The following IGF2BP2 variants were observed in gnomAD, a reference collection of about 807,000 sequenced individuals.
The protein encoded by IGF2BP2 is insulin-like growth factor 2 mRNA-binding protein 2.
IGF2BP2 carries 17 observed loss-of-function variants against 75.8 expected under a neutral mutation model. That is an observed-to-expected ratio of 0.22 (90% CI 0.15 to 0.34). The LOEUF is 0.34. Ranked by LOEUF, IGF2BP2 falls within the 10% of genes least tolerant of loss-of-function variation. The pLI, the probability that IGF2BP2 is intolerant of heterozygous loss-of-function variation, is 1.00. For missense variants in IGF2BP2, 516 were observed against 772.4 expected, an observed-to-expected ratio of 0.67 and a Z score of 3.93; for synonymous variants, 288 against 295.6, an observed-to-expected ratio of 0.97 and a Z score of 0.26.
At chr3:185,794,815 C>T (rs1737133470) in intron 2 of IGF2BP2, among the ~76,000 whole-genome samples, 1 of 152,106 alleles carries the variant, frequency 6.6e-6, no homozygotes, top group Non-Finnish European at 1.5e-5. Context: ...AAAACAGAAA[C>T]TCCCCATCCT....
intron 2 of IGF2BP2, among the ~76,000 whole-genome samples, chr3:185,733,432 AG>A (rs1213382677): frequency 6.6e-6 from 1 of 152,196 alleles, no homozygotes; most frequent in African/African-American, 2.4e-5. Flanking sequence ...AGACAAAGAA[AG>A]CCCTATGTGT....
intron 2 of IGF2BP2, among the ~76,000 whole-genome samples, chr3:185,726,498 C>T (rs1420453737): frequency 1.3e-5 from 2 of 152,172 alleles, no homozygotes; most frequent in African/African-American, 4.8e-5. Context: ...CACAGGAACA[C>T]CTGCCACTTA....
intron 2 of IGF2BP2, among the ~76,000 whole-genome samples, chr3:185,822,053 T>C (rs902713719): frequency 6.6e-6 from 1 of 152,154 alleles, no homozygotes; most frequent in Admixed American, 6.5e-5. Flanking sequence ...CAGAGATTAT[T>C]TGCAAACAAA....
chr3:185,689,641 G>A lies in IGF2BP2; in HGVS notation c.405-14C>T, dbSNP rs762141318. ...TTCTCCATGGCTCTGAAATGCAGCA[G>A]GACAGGGGAGCTTCGTCAGAAACCA... On this transcript the variant is annotated splice_polypyrimidine_tract_variant and intron_variant, in intron 5 of 15. Transcript: ENST00000382199. 7.4e-6 allele frequency: 12 copies of A among 1,613,802 alleles called. No homozygotes were observed. In the African/African-American group the frequency reaches 8.0e-5, roughly 11 times the overall value.
intron 6 of IGF2BP2, chr3:185,689,029 G>C (rs1443078988): frequency 4.5e-6 from 1 of 223,274 alleles, no homozygotes; most frequent in African/African-American, 2.3e-5. Flanking sequence ...GCTATGATGA[G>C]TGGGTTCTAG....
intron 13 of IGF2BP2, among the ~76,000 whole-genome samples, chr3:185,651,205 C>G (rs1157152846): frequency 6.6e-6 from 1 of 152,134 alleles, no homozygotes; most frequent in Non-Finnish European, 1.5e-5. Context: ...GCCTCCACAC[C>G]TGGCCTATAT....
intron 10 of IGF2BP2, among the ~76,000 whole-genome samples, chr3:185,665,539 GAGGAGGAGA>G (rs1717392315): frequency 7.4e-6 from 1 of 134,948 alleles, no homozygotes. Flanking sequence ...GGAGAAGGAG[GAGGAGGAGA>G]AGGAGGAGGA....
intron 2 of IGF2BP2, among the ~76,000 whole-genome samples, chr3:185,811,499 T>G (rs1739818106): frequency 6.6e-6 from 1 of 152,210 alleles, no homozygotes; most frequent in Non-Finnish European, 1.5e-5. Flanking sequence ...TAAAAAATTT[T>G]GAATTGTTGC....
chr3:185,711,097 G>C (rs1724732301), intron 2 of IGF2BP2, among the ~76,000 whole-genome samples: 1 of 152,172 alleles, frequency 6.6e-6, no homozygotes, highest in African/African-American at 2.4e-5. Context: ...ATTATTAAAA[G>C]AACTTATCAT....
rs192610530 is a variant in IGF2BP2 at position 185,651,635 on chromosome 3, T to C, written c.1461+459A>G. 2.8e-3 allele frequency among the ~76,000 whole-genome samples: 424 copies of C among 152,326 alleles called. 1 individual carries two copies. The highest frequency in any genetic ancestry group is 4.2e-3 in the Non-Finnish European group (283 of 68,036). ...TAAATAAATATGTGTTTCTCACTTT[T>C]AGAAAGCTCGAGTTATAATTTTCCT... On this transcript the variant is annotated intron_variant, in intron 13 of 15. Transcript: ENST00000382199.
rs1468081753 is a variant in IGF2BP2, at chr3:185,657,407, G to C, written c.1270-5C>G. 4 of 1,604,784 alleles carry C rather than the reference G, an allele frequency of 2.5e-6. No homozygotes were observed. The highest frequency in any genetic ancestry group is 3.3e-5 in the Admixed American group (2 of 59,832). ...CACAATCTCCTGCTCTGGATACTGG[G>C]AGGGCGAGACAAGAAAGAAGACATC... On this transcript the variant is annotated splice_polypyrimidine_tract_variant and splice_region_variant and intron_variant, in intron 11 of 15. Coordinates refer to ENST00000382199, the MANE Select transcript of IGF2BP2 (RefSeq NM_006548.6).
At chr3:185,649,648 T>C in intron 13 of IGF2BP2, 114 bp from the exon 14 acceptor site, 1 of 1,382,818 alleles carries the variant, frequency 7.2e-7, no homozygotes, top group African/African-American at 1.4e-5. Flanking sequence ...ATTCCCACAC[T>C]CCCTGGGACA....
chr3:185,824,753 C>A (rs1741818715), intron 1 of IGF2BP2, 30 bp downstream of exon 1: 1 of 1,284,316 alleles, frequency 7.8e-7, no homozygotes, highest in Non-Finnish European at 1.0e-6. Context: ...CGGGGCGAGG[C>A]GGGGGGAGGG....
intron 2 of IGF2BP2, among the ~76,000 whole-genome samples, chr3:185,719,066 G>A (rs1726108245): frequency 6.6e-6 from 1 of 152,148 alleles, no homozygotes; most frequent in Non-Finnish European, 1.5e-5. Flanking sequence ...GCAGACAGAG[G>A]AAGAAACAGA....
chr3:185,718,546 G>A (rs1428340811), intron 2 of IGF2BP2, among the ~76,000 whole-genome samples: 8 of 151,916 alleles, frequency 5.3e-5, no homozygotes, highest in African/African-American at 1.5e-4. Context: ...TTAGCCAGGC[G>A]TGGTGGCACG....
In IGF2BP2 at chr3:185,690,252, AT is replaced by A. The variant is rs552999663; in HGVS notation, c.405-626del. ...AAATATCAGTATAAAATTATGACTC[AT>A]TTTTTTCTCATTTTAATCATCATAC... On this transcript the variant is annotated intron_variant, in intron 5 of 15. Coordinates refer to ENST00000382199, the MANE Select transcript of IGF2BP2 (RefSeq NM_006548.6). 1.7e-3 allele frequency among the ~76,000 whole-genome samples: 258 copies of A among 152,256 alleles called. 2 individuals carry two copies. The highest frequency in any genetic ancestry group is 8.7e-4 in the Non-Finnish European group (59 of 68,006).
intron 2 of IGF2BP2, among the ~76,000 whole-genome samples, chr3:185,772,397 A>G (rs1733997292): frequency 6.6e-6 from 1 of 152,098 alleles, no homozygotes; most frequent in African/African-American, 2.4e-5. Context: ...ATATTTTCAA[A>G]TTTATCTTTT....
chr3:185,764,533 G>A (rs754080680), intron 2 of IGF2BP2, among the ~76,000 whole-genome samples: 3 of 152,206 alleles, frequency 2.0e-5, no homozygotes, highest in Admixed American at 6.5e-5. Context: ...TGATGGAGGT[G>A]AAGAGACCAA....
chr3:185,801,122 G>A (rs35510946), intron 2 of IGF2BP2, among the ~76,000 whole-genome samples: 59,043 of 151,818 alleles, frequency 0.39, 12,390 homozygotes, highest in African/African-American at 0.57. Context: ...TCATCATCAC[G>A]GGTCATTAAA....
Sources: gnomAD v4.1 joint callset for allele counts (sites outside exome capture counted in the v4.1 genomes callset) on GRCh38, gnomAD v4.1.1 for gene constraint, MANE v1.5 for transcripts, NCBI Gene and HGNC (gene_info 2026-07-23, HGNC 2026-07-21) for gene names.